The following CSMD1 variants were observed in gnomAD, a reference collection of about 807,000 sequenced individuals.
CSMD1 encodes CUB and Sushi multiple domains 1, also known as CUB and sushi domain-containing protein 1.
Under a neutral mutation model 417.5 loss-of-function variants are expected in CSMD1, and 213 were observed. The observed-to-expected ratio is 0.51, with a 90% CI of 0.46 to 0.57. The LOEUF (loss-of-function observed/expected upper bound fraction) is 0.57. Ranked by LOEUF, CSMD1 falls within the 20% of genes least tolerant of loss-of-function variation. The probability of loss-of-function intolerance (pLI) is 0.00; values close to 1 mark genes in which losing one functional copy is unlikely to be tolerated. For synonymous variants in CSMD1, 2,862 were observed against 1,736.8 expected (o/e 1.65, Z -16.11); for missense variants, 6,923 against 4,529.7 (o/e 1.53, Z -15.17).
intron 5 of CSMD1, among the ~76,000 whole-genome samples, chr8:3,781,509 T>C (rs1799180314): frequency 6.6e-6 from 1 of 151,960 alleles, no homozygotes; most frequent in African/African-American, 2.4e-5. Context: ...GAGTTAGGTG[T>C]GCGATTGTGG....
At chr8:3,524,647 A>T (rs1205233450) in intron 10 of CSMD1, among the ~76,000 whole-genome samples, 2 of 151,100 alleles carry the variant, frequency 1.3e-5, no homozygotes, top group African/African-American at 4.9e-5. Flanking sequence ...AGACATGTGC[A>T]CACACACAGA....
At chr8:3,134,537 A>C (rs1817972150) in intron 41 of CSMD1, among the ~76,000 whole-genome samples, 1 of 152,240 alleles carries the variant, frequency 6.6e-6, no homozygotes, top group Non-Finnish European at 1.5e-5. Context: ...GAGTTTTCCC[A>C]CAGTGGCCGT....
At chr8:3,390,093 G>A (rs547483599) in intron 17 of CSMD1, among the ~76,000 whole-genome samples, 19 of 152,198 alleles carry the variant, frequency 1.2e-4, no homozygotes, top group South Asian at 6.2e-4. Flanking sequence ...GGTGGCTCAT[G>A]CTTGTAATCC....
chr8:4,426,829 GTATAC>G (rs1021619252), intron 2 of CSMD1, among the ~76,000 whole-genome samples: 5 of 150,302 alleles, frequency 3.3e-5, no homozygotes, highest in African/African-American at 1.2e-4. Context: ...ATGATACATA[GTATAC>G]TATATTATGT....
chr8:3,716,852 T>C (rs1439890177), intron 6 of CSMD1, among the ~76,000 whole-genome samples: 1 of 151,524 alleles, frequency 6.6e-6, no homozygotes, highest in East Asian at 1.9e-4. Flanking sequence ...ATTATCATCA[T>C]CGGAATTATC....
In CSMD1 at chr8:4,111,002, G is replaced by A. The variant is rs1359754840; in HGVS notation, c.416-78903C>T. 2.0e-5 allele frequency among the ~76,000 whole-genome samples: 3 copies of A among 152,022 alleles called. 1 individual carries two copies. The South Asian group carries it at 6.2e-4, about 32-fold the overall frequency. On this transcript the variant is annotated intron_variant, in intron 3 of 69. Transcript: ENST00000635120. Reference sequence around the variant, plus strand: ...ATCTGAGCTGGAACAAGCTCACTAAGAGATGCCTGCAATCAGGGACTCCCT... The same window carrying A: ...ATCTGAGCTGGAACAAGCTCACTAAAAGATGCCTGCAATCAGGGACTCCCT...
chr8:4,412,126 G>T (rs764007883), intron 3 of CSMD1, among the ~76,000 whole-genome samples: 3 of 151,970 alleles, frequency 2.0e-5, no homozygotes, highest in African/African-American at 7.2e-5. Context: ...TTTAGCCAGG[G>T]CAAATGATTA....
chr8:4,038,766 A>C (rs1797742778), intron 3 of CSMD1, among the ~76,000 whole-genome samples: 1 of 152,210 alleles, frequency 6.6e-6, no homozygotes, highest in African/African-American at 2.4e-5. Context: ...GTAACGTGAA[A>C]GGATTTCTTG....
At chr8:3,544,739 T>C (rs1798588965) in intron 10 of CSMD1, among the ~76,000 whole-genome samples, 1 of 152,096 alleles carries the variant, frequency 6.6e-6, no homozygotes, top group South Asian at 2.1e-4. Flanking sequence ...ACCAGGATGC[T>C]GGGTGGAGAC....
At chr8:4,497,719 A>G (rs1052553476) in intron 2 of CSMD1, among the ~76,000 whole-genome samples, 2 of 152,250 alleles carry the variant, frequency 1.3e-5, no homozygotes, top group African/African-American at 4.8e-5. Flanking sequence ...AGCTAAAAAT[A>G]CACAACTCCT....
chr8:3,141,941 G>A (rs1818518828), intron 41 of CSMD1, among the ~76,000 whole-genome samples: 1 of 151,638 alleles, frequency 6.6e-6, no homozygotes, highest in Non-Finnish European at 1.5e-5. Flanking sequence ...GGGACTACAG[G>A]CGCCCGCCAC....
At chr8:4,781,109 G>A (rs897342598) in intron 1 of CSMD1, among the ~76,000 whole-genome samples, 19 of 152,154 alleles carry the variant, frequency 1.2e-4, no homozygotes, top group African/African-American at 4.6e-4. Context: ...TTCTGGTGGT[G>A]TCTTTTCTTT....
intron 3 of CSMD1, among the ~76,000 whole-genome samples, chr8:4,250,072 C>A (rs1802960152): frequency 6.6e-6 from 1 of 152,136 alleles, no homozygotes; most frequent in Non-Finnish European, 1.5e-5. Flanking sequence ...GAGTGGGCTA[C>A]CCCTCTTTGC....
chr8:3,974,480 A>C (rs1295602373), intron 5 of CSMD1, among the ~76,000 whole-genome samples: 1 of 152,058 alleles, frequency 6.6e-6, no homozygotes, highest in African/African-American at 2.4e-5. Flanking sequence ...AAATGTATTA[A>C]AACAGAAAAA....
chr8:3,602,234 T>G (rs1471813959), intron 8 of CSMD1, among the ~76,000 whole-genome samples: 1 of 152,154 alleles, frequency 6.6e-6, no homozygotes, highest in Non-Finnish European at 1.5e-5. Context: ...AACCAGAACC[T>G]TCGGGGTAAC....
chr8:3,316,836 C>A (rs79714226), intron 23 of CSMD1, among the ~76,000 whole-genome samples: 3,889 of 152,016 alleles, frequency 0.026, 117 homozygotes, highest in East Asian at 0.077. Context: ...GAAACTGACA[C>A]AAGTATATTC....
chr8:3,386,817 C>G (rs977904514), intron 18 of CSMD1, among the ~76,000 whole-genome samples: 1 of 152,060 alleles, frequency 6.6e-6, no homozygotes, highest in African/African-American at 2.4e-5. Context: ...TATTCATGGT[C>G]AAGGGCAAAA....
chr8:3,089,057 A>G (rs901758474), intron 48 of CSMD1, among the ~76,000 whole-genome samples: 15 of 152,122 alleles, frequency 9.9e-5, no homozygotes, highest in African/African-American at 3.6e-4. Flanking sequence ...CTCACTTAGG[A>G]TAAGACATGA....
At chr8:4,075,991 T>C (rs1369439570) in intron 3 of CSMD1, among the ~76,000 whole-genome samples, 1 of 152,164 alleles carries the variant, frequency 6.6e-6, no homozygotes, top group Non-Finnish European at 1.5e-5. Flanking sequence ...TTTCTTTCTC[T>C]GGGAGGGTGG....
Sources: allele counts gnomAD v4.1 joint callset (sites outside exome capture counted in the v4.1 genomes callset), GRCh38; gene constraint gnomAD v4.1.1; transcripts MANE v1.5; gene names NCBI Gene and HGNC (gene_info 2026-07-23, HGNC 2026-07-21).